Variants in RUNDC3B observed in about 807,000 individuals in gnomAD.
The protein encoded by RUNDC3B is RUN domain-containing protein 3B.
In RUNDC3B, 33 loss-of-function variants were observed where a neutral mutation model predicts 58.4. The observed-to-expected ratio is 0.56, with a 90% confidence interval of 0.43 to 0.75. RUNDC3B has a LOEUF of 0.75. Among genes scored for constraint, RUNDC3B ranks in the 30% least tolerant of loss-of-function variants. The pLI is 0.00. For missense variants in RUNDC3B, 501 were observed against 535.7 expected (o/e 0.94, Z 0.64); for synonymous variants, 193 against 195.2 (o/e 0.99, Z 0.10).
chr7:87,701,463 A>G (rs1431520683), intron 3 of RUNDC3B, among the ~76,000 whole-genome samples: 1 of 152,214 alleles, frequency 6.6e-6, no homozygotes, highest in African/African-American at 2.4e-5. Context: ...TTTTTAAATT[A>G]TTTAATGAAA....
chr7:87,738,856 A>G (rs995236003), intron 4 of RUNDC3B, among the ~76,000 whole-genome samples: 1 of 151,888 alleles, frequency 6.6e-6, no homozygotes, highest in Non-Finnish European at 1.5e-5. Flanking sequence ...GCATATTGAA[A>G]TTTTTTGCAG....
chr7:87,822,271 A>G (rs546715884), intron 10 of RUNDC3B, among the ~76,000 whole-genome samples: 3 of 152,348 alleles, frequency 2.0e-5, no homozygotes, highest in South Asian at 4.1e-4. Context: ...TATGCAGCCA[A>G]AAAACACATG....
intron 6 of RUNDC3B, among the ~76,000 whole-genome samples, chr7:87,745,482 A>G (rs556376246): frequency 1.3e-5 from 2 of 152,160 alleles, no homozygotes; most frequent in South Asian, 2.1e-4. Flanking sequence ...TATCATTTCA[A>G]TATTCCTGCT....
intron 2 of RUNDC3B, among the ~76,000 whole-genome samples, chr7:87,685,004 A>G (rs1827318030): frequency 6.6e-6 from 1 of 152,136 alleles, no homozygotes; most frequent in African/African-American, 2.4e-5. Flanking sequence ...ACTCTTAAAA[A>G]TGTAGAATAT....
At chr7:87,697,499 G>T (rs1418217640) in intron 2 of RUNDC3B, among the ~76,000 whole-genome samples, 1 of 152,200 alleles carries the variant, frequency 6.6e-6, no homozygotes, top group African/African-American at 2.4e-5. Flanking sequence ...AATGGTTGAT[G>T]ATGGGAGTAA....
chr7:87,801,259 C>A (rs1836137362), intron 8 of RUNDC3B, among the ~76,000 whole-genome samples: 1 of 151,810 alleles, frequency 6.6e-6, no homozygotes, highest in Non-Finnish European at 1.5e-5. Context: ...CCCCACGTGA[C>A]CAAGGAATAG....
chr7:87,799,715 C>T (rs1216939007), intron 8 of RUNDC3B, among the ~76,000 whole-genome samples: 4 of 151,746 alleles, frequency 2.6e-5, no homozygotes, highest in South Asian at 4.2e-4. Context: ...GTTGAAAGCC[C>T]GTCTCTACTA....
intron 2 of RUNDC3B, among the ~76,000 whole-genome samples, chr7:87,652,897 A>G (rs1823726207): frequency 6.6e-6 from 1 of 151,888 alleles, no homozygotes; most frequent in Non-Finnish European, 1.5e-5. Flanking sequence ...GCGTGTTTCT[A>G]AGATCTACTT....
intron 8 of RUNDC3B, among the ~76,000 whole-genome samples, chr7:87,797,162 T>G (rs542447728): frequency 1.3e-5 from 2 of 152,170 alleles, no homozygotes; most frequent in African/African-American, 2.4e-5. Flanking sequence ...GAATATAAAA[T>G]ATGAATAACT....
intron 5 of RUNDC3B, among the ~76,000 whole-genome samples, chr7:87,740,237 T>G (rs2130810626): frequency 6.6e-6 from 1 of 152,246 alleles, no homozygotes; most frequent in Admixed American, 6.5e-5. Flanking sequence ...TAAAGTAGTT[T>G]CAAAGCCAGA....
At chr7:87,762,213 T>G (rs4425673) in intron 6 of RUNDC3B, among the ~76,000 whole-genome samples, 2 of 151,704 alleles carry the variant, frequency 1.3e-5, no homozygotes, top group African/African-American at 4.8e-5. Context: ...TTTCTGCATC[T>G]ATTAAAATTA....
At chr7:87,751,680 TTGTC>T (rs1293924947) in intron 6 of RUNDC3B, among the ~76,000 whole-genome samples, 1 of 151,570 alleles carries the variant, frequency 6.6e-6, no homozygotes, top group Non-Finnish European at 1.5e-5. Context: ...GGCTCTCTGT[TTGTC>T]TGTTGGTGTA....
intron 1 of RUNDC3B, among the ~76,000 whole-genome samples, chr7:87,646,614 T>C (rs1205679305): frequency 6.6e-6 from 1 of 152,160 alleles, no homozygotes; most frequent in Admixed American, 6.5e-5. Flanking sequence ...AGAAATTTCC[T>C]TCTATTCAGG....
At chr7:87,808,224 G>A (rs1279372575) in intron 9 of RUNDC3B, among the ~76,000 whole-genome samples, 5 of 151,312 alleles carry the variant, frequency 3.3e-5, no homozygotes, top group Middle Eastern at 3.4e-3. Flanking sequence ...CCTTCTGTTT[G>A]ATTTTTTCCC....
intron 6 of RUNDC3B, among the ~76,000 whole-genome samples, chr7:87,755,809 A>G: frequency 6.6e-6 from 1 of 152,214 alleles, no homozygotes; most frequent in African/African-American, 2.4e-5. Flanking sequence ...GAAAACTGGC[A>G]TAAGACAAGG....
chr7:87,633,958 C>A (rs181580083), intron 1 of RUNDC3B, among the ~76,000 whole-genome samples: 1 of 152,116 alleles, frequency 6.6e-6, no homozygotes, highest in Non-Finnish European at 1.5e-5. Flanking sequence ...ACCGTGGCCC[C>A]GGCATCTGCT....
intron 1 of RUNDC3B, among the ~76,000 whole-genome samples, chr7:87,640,391 C>T (rs1822310166): frequency 6.6e-6 from 1 of 151,966 alleles, no homozygotes; most frequent in African/African-American, 2.4e-5. Flanking sequence ...TGCTGTGTTG[C>T]CCAGGCTGGA....
chr7:87,640,049 A>G (rs1292219339), intron 1 of RUNDC3B, among the ~76,000 whole-genome samples: 2 of 150,526 alleles, frequency 1.3e-5, no homozygotes, highest in African/African-American at 2.4e-5. Context: ...ATTTCTTTAT[A>G]TATGTTTATA....
chr7:87,761,845 G>C (rs35648408), intron 6 of RUNDC3B, among the ~76,000 whole-genome samples: 24,154 of 151,592 alleles, frequency 0.16, 2,588 homozygotes, highest in Non-Finnish European at 0.24. Flanking sequence ...ACTATAAGAA[G>C]ACCAGAATTT....
Sources: gnomAD v4.1 joint callset for allele counts (sites outside exome capture counted in the v4.1 genomes callset) on GRCh38, gnomAD v4.1.1 for gene constraint, MANE v1.5 for transcripts, NCBI Gene and HGNC (gene_info 2026-07-23, HGNC 2026-07-21) for gene names.